Variants in TNRC6B observed in about 807,000 individuals in gnomAD.
TNRC6B encodes the protein trinucleotide repeat containing adaptor 6B, also known as trinucleotide repeat-containing gene 6B protein.
A neutral mutation model predicts 203.6 loss-of-function variants in TNRC6B; 52 were observed. The ratio of observed to expected loss-of-function variants is 0.26; its 90% CI spans 0.20 to 0.32. The LOEUF (loss-of-function observed/expected upper bound fraction) is 0.32, where lower values mean the gene tolerates loss of function less well. Ranked by LOEUF, TNRC6B falls within the 10% of genes least tolerant of loss-of-function variation. The pLI is 1.00. For synonymous variants in TNRC6B, 838 were observed against 845.7 expected (o/e 0.99, Z 0.16); for missense variants, 1,923 against 2,286.2 (o/e 0.84, Z 3.24).
At chr22:40,202,591 T>C (rs2069428339) in intron 1 of TNRC6B, among the ~76,000 whole-genome samples, 1 of 152,136 alleles carries the variant, frequency 6.6e-6, no homozygotes, top group Non-Finnish European at 1.5e-5. Flanking sequence ...AGATAACGAA[T>C]GACTTGTTTC....
intron 15 of TNRC6B, among the ~76,000 whole-genome samples, chr22:40,302,896 A>G (rs888933345): frequency 6.6e-6 from 1 of 152,076 alleles, no homozygotes; most frequent in Non-Finnish European, 1.5e-5. Flanking sequence ...AATTCGAAAT[A>G]ACTTTTCTTG....
At chr22:40,311,061 T>C in intron 17 of TNRC6B, 68 bp downstream of exon 17, 1 of 1,477,746 alleles carries the variant, frequency 6.8e-7, no homozygotes, top group East Asian at 2.4e-5. Context: ...AGGTTCAGAA[T>C]ACATTGCTTT....
chr22:40,273,486 T>C lies in TNRC6B; in HGVS notation c.3027T>C (p.His1009=). 2 of 1,608,258 alleles carry C rather than the reference T, an allele frequency of 1.2e-6. No homozygotes were observed. Among genetic ancestry groups the C allele is most frequent in the Non-Finnish European group, 8.5e-7 (1 of 1,177,312 alleles). Residue 1009 remains histidine, a synonymous_variant, in exon 7 of 23, where the codon CAT becomes CAC. Coordinates refer to ENST00000454349, the MANE Select transcript of TNRC6B (RefSeq NM_001162501.2). ...ESDGPVTGAR[H]PSWEEEEDGG... ...ACGGGCCAGTCACAGGAGCTCGCCA[T>C]CCCAGCTGGGAAGAGGAGGAGGATG...
At chr22:40,069,513 GT>G (rs1246285823) in intron 1 of TNRC6B, among the ~76,000 whole-genome samples, 1 of 148,228 alleles carries the variant, frequency 6.7e-6, no homozygotes, top group Non-Finnish European at 1.5e-5. Context: ...TTGAGATGGA[GT>G]TTCGCTCTCA....
intron 12 of TNRC6B, among the ~76,000 whole-genome samples, chr22:40,292,409 C>T (rs527810174): frequency 4.0e-5 from 6 of 151,814 alleles, no homozygotes; most frequent in South Asian, 2.1e-4. Context: ...ACAAATATTC[C>T]GGGCCTTGGG....
Position 40,300,451 on chromosome 22 carries a change from C to T in TNRC6B, c.3709-4C>T. 2.0e-6 allele frequency: 3 copies of T among 1,537,522 alleles called. No individual in the cohort carries two copies. The highest frequency in any genetic ancestry group is 2.6e-6 in the Non-Finnish European group (3 of 1,149,814). Reference sequence around the variant, plus strand: ...TTTTCTTTCTTTTTTATTTTTTTGGCTAGGTTTCTGCCTCAATGCTCAAGC... The same window carrying T: ...TTTTCTTTCTTTTTTATTTTTTTGGTTAGGTTTCTGCCTCAATGCTCAAGC... On this transcript the variant is annotated splice_polypyrimidine_tract_variant and splice_region_variant and intron_variant, in intron 12 of 22. Coordinates refer to ENST00000454349, the MANE Select transcript of TNRC6B (RefSeq NM_001162501.2).
chr22:40,257,180 T>C (rs1297742083), intron 3 of TNRC6B, among the ~76,000 whole-genome samples: 1 of 152,196 alleles, frequency 6.6e-6, no homozygotes, highest in African/African-American at 2.4e-5. Flanking sequence ...TTTGATACCA[T>C]TGAGATAGTT....
chr22:40,277,301 TTTCTC>T (rs1180712061), intron 8 of TNRC6B, 150 bp downstream of exon 8: 2 of 544,236 alleles, frequency 3.7e-6, no homozygotes, highest in African/African-American at 3.9e-5. Context: ...TTAAGTAATA[TTTCTC>T]TTCTATTCTT....
At chr22:40,184,477 CT>C (rs1413312286) in intron 1 of TNRC6B, among the ~76,000 whole-genome samples, 4 of 152,052 alleles carry the variant, frequency 2.6e-5, no homozygotes, top group Non-Finnish European at 5.9e-5. Context: ...AAAACTAAGC[CT>C]TGACCAGATG....
intron 1 of TNRC6B, among the ~76,000 whole-genome samples, chr22:40,057,253 G>A (rs1256891520): frequency 6.6e-6 from 1 of 150,558 alleles, no homozygotes; most frequent in African/African-American, 2.4e-5. Context: ...TTTCCTAAAG[G>A]TGTTGATTTA....
At chr22:40,277,221 G>A in intron 8 of TNRC6B, 70 bp downstream of exon 8, 1 of 1,138,856 alleles carries the variant, frequency 8.8e-7, no homozygotes, top group Non-Finnish European at 1.3e-6. Context: ...CCAATTTTAA[G>A]ACAACTGCCA....
intron 3 of TNRC6B, chr22:40,253,594 A>G (rs906300344): frequency 8.8e-6 from 4 of 455,238 alleles, no homozygotes; most frequent in African/African-American, 8.1e-5. Flanking sequence ...ACCTCCCACC[A>G]CTCCAATCAA....
At chr22:40,052,161 C>T (rs968708306) in intron 1 of TNRC6B, among the ~76,000 whole-genome samples, 2 of 152,152 alleles carry the variant, frequency 1.3e-5, no homozygotes, top group African/African-American at 4.8e-5. Context: ...CACAAGGGGA[C>T]CCCAAGATCA....
At chr22:40,107,002 C>T in intron 1 of TNRC6B, 2 of 1,171,282 alleles carry the variant, frequency 1.7e-6, no homozygotes, top group South Asian at 1.2e-5. Flanking sequence ...AATTCCTTCA[C>T]TTTTTTCTTA....
intron 1 of TNRC6B, among the ~76,000 whole-genome samples, chr22:40,193,461 G>A (rs2069298926): frequency 6.6e-6 from 1 of 152,130 alleles, no homozygotes; most frequent in African/African-American, 2.4e-5. Flanking sequence ...GCCCTGGTTG[G>A]GCTTCCCTTC....
At chr22:40,107,634 TAG>T (rs1291380337) in intron 1 of TNRC6B, among the ~76,000 whole-genome samples, 6 of 151,838 alleles carry the variant, frequency 4.0e-5, no homozygotes, top group Non-Finnish European at 8.8e-5. Context: ...AAAATACTGT[TAG>T]ACAAATTTAA....
At chr22:40,223,435 G>A (rs959613988) in intron 1 of TNRC6B, among the ~76,000 whole-genome samples, 12 of 135,660 alleles carry the variant, frequency 8.8e-5, no homozygotes, top group Non-Finnish European at 1.7e-4. Flanking sequence ...CACTGTGCCC[G>A]GCCAGTTTTT....
intron 4 of TNRC6B, among the ~76,000 whole-genome samples, chr22:40,168,288 C>G (rs763103570): frequency 6.6e-6 from 1 of 152,100 alleles, no homozygotes; most frequent in Non-Finnish European, 1.5e-5. Context: ...CTCTTCTGTG[C>G]TAGACCCAGA....
At chr22:40,105,754 G>A (rs114529184) in intron 1 of TNRC6B, among the ~76,000 whole-genome samples, 341 of 152,242 alleles carry the variant, frequency 2.2e-3, no homozygotes, top group African/African-American at 7.8e-3. Flanking sequence ...TGTGCCTTTG[G>A]GGTACATGTG....
Sources: allele counts gnomAD v4.1 joint callset (sites outside exome capture counted in the v4.1 genomes callset), GRCh38; gene constraint gnomAD v4.1.1; transcripts MANE v1.5; gene names NCBI Gene and HGNC (gene_info 2026-07-23, HGNC 2026-07-21).